The following GAB2 variants were observed in gnomAD, a reference collection of about 807,000 sequenced individuals.
GAB2 encodes GRB2 associated binding protein 2.
A neutral mutation model predicts 65.5 loss-of-function variants in GAB2; 26 were observed. That is an observed-to-expected ratio of 0.40 (90% CI 0.29 to 0.55). GAB2 has a LOEUF of 0.55. Among genes scored for constraint, GAB2 ranks in the 20% least tolerant of loss-of-function variants. GAB2 has a pLI of 0.53. For synonymous variants in GAB2, 321 were observed against 329.6 expected (o/e 0.97, Z 0.28); for missense variants, 884 against 875.8 (o/e 1.01, Z -0.12).
chr11:78,263,290 C>T (rs1865783126), intron 2 of GAB2, among the ~76,000 whole-genome samples: 1 of 152,046 alleles, frequency 6.6e-6, no homozygotes, highest in African/African-American at 2.4e-5. Context: ...TAGAGCACAC[C>T]TTAGGCACAA....
chr11:78,220,467 G>C (rs765705780), intron 8 of GAB2, 23 bp from the exon 9 acceptor site: 2 of 1,546,340 alleles, frequency 1.3e-6, no homozygotes, highest in Non-Finnish European at 1.8e-6. Context: ...GGAAAAAACT[G>C]TGAGTGACTG....
intron 1 of GAB2, among the ~76,000 whole-genome samples, chr11:78,332,350 A>G (rs1339697430): frequency 6.6e-6 from 1 of 152,170 alleles, no homozygotes. Flanking sequence ...ACCTAGGGAG[A>G]TCAACTTAAC....
Position 78,226,603 on chromosome 11 carries a change from TG to T in GAB2, c.1068del (p.Lys357SerfsTer70), listed in dbSNP as rs769890102. The T allele has an allele frequency of 3.9e-5, 10 of 257,612 alleles. No individual in the cohort carries two copies. The highest frequency in any genetic ancestry group is 9.3e-5 in the African/African-American group (1 of 10,770). The allele number at this position is 257,612 out of a possible 1,614,324, so 16.0% of individuals were successfully genotyped here. On this transcript the variant is annotated frameshift_variant, in exon 4 of 10. Transcript: ENST00000361507. LOFTEE classifies it high-confidence loss of function. ...CGAGGTGTTTCTGCCTGACTTGGCT[TG>T]GGGGGGCGGGGTGGGGGAGCTATGG... is the stretch of plus-strand genomic sequence containing the variant. ...DSAIAPPPRP[P>X]KPSQAETPRW...
intron 1 of GAB2, among the ~76,000 whole-genome samples, chr11:78,335,754 T>C (rs1226435305): frequency 6.6e-6 from 1 of 152,198 alleles, no homozygotes; most frequent in Non-Finnish European, 1.5e-5. Context: ...AATTTTAGAA[T>C]TGTTCTATTT....
At chr11:78,301,329 G>A (rs1292050592) in intron 1 of GAB2, among the ~76,000 whole-genome samples, 1 of 141,252 alleles carries the variant, frequency 7.1e-6, no homozygotes, top group Non-Finnish European at 1.5e-5. Flanking sequence ...GGTATCTTGT[G>A]GTTTTTTGTT....
At chr11:78,397,841 C>T (rs1856920806) in intron 1 of GAB2, among the ~76,000 whole-genome samples, 1 of 152,054 alleles carries the variant, frequency 6.6e-6, no homozygotes, top group Non-Finnish European at 1.5e-5. Context: ...ACAGTATCTT[C>T]AAGTGGACCT....
chr11:78,272,236 C>A (rs565202386), intron 2 of GAB2, among the ~76,000 whole-genome samples: 37 of 152,188 alleles, frequency 2.4e-4, no homozygotes, highest in Non-Finnish European at 4.9e-4. Flanking sequence ...GTGACAGGAA[C>A]TGGGTAACAG....
chr11:78,215,990 A>ACTT lies in GAB2; in HGVS notation c.*3279_*3281dup, dbSNP rs569500260. 3.7e-4 allele frequency: 57 copies of ACTT among 152,762 alleles called. 1 individual carries two copies. The highest frequency in any genetic ancestry group is 1.3e-3 in the African/African-American group (54 of 41,552). The allele number at this position is 152,762 out of a possible 1,614,324, so 9.5% of individuals were successfully genotyped here. A position where few individuals can be genotyped will look rare whatever the true frequency, so the allele number is the denominator to read the frequency against. On this transcript the variant is annotated 3_prime_UTR_variant, in exon 10 of 10. Transcript: ENST00000361507. ...CACAGGAATGGGGCATACTTTGTTAACTTCTACATTGGAAACCACTAAAGT... is the reference window on the plus strand; with the variant it reads ...CACAGGAATGGGGCATACTTTGTTAACTTCTTCTACATTGGAAACCACTAAAGT...
intron 1 of GAB2, among the ~76,000 whole-genome samples, chr11:78,358,976 T>C (rs1423399629): frequency 6.6e-6 from 1 of 152,170 alleles, no homozygotes; most frequent in African/African-American, 2.4e-5. Flanking sequence ...AAAAAGTCCA[T>C]GGTCAAGTTA....
At chr11:78,269,827 A>T (rs1590984334) in intron 2 of GAB2, among the ~76,000 whole-genome samples, 1 of 152,258 alleles carries the variant, frequency 6.6e-6, no homozygotes, top group Non-Finnish European at 1.5e-5. Flanking sequence ...TCTTTATTCC[A>T]TAAGATTAGA....
chr11:78,265,760 G>A (rs1462674546), intron 2 of GAB2, among the ~76,000 whole-genome samples: 1 of 151,878 alleles, frequency 6.6e-6, no homozygotes, highest in Non-Finnish European at 1.5e-5. Context: ...CAGAATTTCA[G>A]GTATCTCACA....
chr11:78,317,611 G>A (rs1298674459), intron 1 of GAB2, among the ~76,000 whole-genome samples: 1 of 147,182 alleles, frequency 6.8e-6, no homozygotes. Flanking sequence ...TTTATGTTAT[G>A]TGTATTTTAT....
intron 1 of GAB2, among the ~76,000 whole-genome samples, chr11:78,367,912 A>G (rs1263985249): frequency 7.8e-5 from 11 of 141,096 alleles, no homozygotes; most frequent in African/African-American, 3.0e-4. Flanking sequence ...CGCCTCCCGG[A>G]TTCACGCCAT....
chr11:78,324,534 G>A (rs921333539), intron 1 of GAB2, among the ~76,000 whole-genome samples: 3 of 152,206 alleles, frequency 2.0e-5, no homozygotes, highest in Non-Finnish European at 4.4e-5. Flanking sequence ...GTGCTAGAGG[G>A]AAAGCAATGG....
intron 1 of GAB2, among the ~76,000 whole-genome samples, chr11:78,306,968 T>C (rs1218443493): frequency 1.3e-5 from 2 of 152,244 alleles, no homozygotes; most frequent in Admixed American, 1.3e-4. Context: ...CTAATTGTTT[T>C]GAACATGTAT....
At chr11:78,402,330 T>C (rs1856984008) in intron 1 of GAB2, among the ~76,000 whole-genome samples, 1 of 151,940 alleles carries the variant, frequency 6.6e-6, no homozygotes, top group South Asian at 2.1e-4. Flanking sequence ...TTTGCTTTTT[T>C]TTCTTTGCAG....
intron 1 of GAB2, among the ~76,000 whole-genome samples, chr11:78,391,773 G>A (rs923371844): frequency 6.6e-6 from 1 of 152,204 alleles, no homozygotes; most frequent in Non-Finnish European, 1.5e-5. Context: ...GCAGAATCAA[G>A]TTCCTGCCAT....
intron 1 of GAB2, among the ~76,000 whole-genome samples, chr11:78,312,090 A>G (rs1385042250): frequency 6.6e-6 from 1 of 152,092 alleles, no homozygotes; most frequent in African/African-American, 2.4e-5. Flanking sequence ...GTCACAGGGC[A>G]GCACATTACA....
intron 1 of GAB2, among the ~76,000 whole-genome samples, chr11:78,285,512 G>C (rs1033329466): frequency 6.6e-6 from 1 of 152,134 alleles, no homozygotes; most frequent in East Asian, 1.9e-4. Context: ...GAGTACCCAG[G>C]CTGGTGTGCA....
Sources: gnomAD v4.1 joint callset for allele counts (sites outside exome capture counted in the v4.1 genomes callset) on GRCh38, gnomAD v4.1.1 for gene constraint, MANE v1.5 for transcripts, NCBI Gene and HGNC (gene_info 2026-07-23, HGNC 2026-07-21) for gene names.